KDM3A: variants seen among roughly 807,000 people sequenced by gnomAD.
The protein encoded by KDM3A is lysine-specific demethylase 3A.
KDM3A carries 60 observed loss-of-function variants against 158.0 expected under a neutral mutation model. The ratio of observed to expected loss-of-function variants is 0.38; its 90% CI spans 0.31 to 0.47. KDM3A has a LOEUF of 0.47. Ranked by LOEUF, KDM3A falls within the 20% of genes least tolerant of loss-of-function variation. The pLI is 0.99. For missense variants in KDM3A, 1,319 were observed against 1,574.3 expected (o/e 0.84, Z 2.74); for synonymous variants, 608 against 549.3 (o/e 1.11, Z -1.49).
chr2:86,456,061 G>A (rs1672683461), intron 5 of KDM3A, among the ~76,000 whole-genome samples: 3 of 151,922 alleles, frequency 2.0e-5, no homozygotes, highest in African/African-American at 7.3e-5. Flanking sequence ...AAATGGATAA[G>A]GCATTAATTT....
intron 17 of KDM3A, 141 bp from the exon 18 acceptor site, chr2:86,482,317 G>T (rs1356087758): frequency 1.5e-6 from 2 of 1,363,100 alleles, no homozygotes; most frequent in Admixed American, 4.9e-5. Context: ...GTTGTCAAGT[G>T]GGGACAGGGG....
rs1673852740 is a variant in KDM3A, at chr2:86,480,187, A to C, written c.2337A>C (p.Lys779Asn). The change falls in exon 16 of 26, where the codon AAA becomes AAC. Residue 779 changes from lysine (K) to asparagine (N), a missense_variant. Lys to Asn is a moderately conservative substitution (Grantham distance 94). Around this residue, in one of 4 missense-constraint regions of KDM3A, gnomAD observed 368 missense variants for 415.8 expected, o/e 0.89. Transcript: ENST00000312912. ...DLKQTSLAGEKPTLGAVLQQN... is the reference protein window; with the variant it reads ...DLKQTSLAGENPTLGAVLQQN... The stretch of plus-strand genomic sequence containing the variant: ...CACAGACTTCTTTAGCTGGAGAAAA[A>C]CCGACTCTTGGTGCAGTGCTCCAGC... The C allele has an allele frequency of 6.2e-7, 1 of 1,612,684 alleles. No homozygotes were observed. Among genetic ancestry groups the C allele is most frequent in the African/African-American group, 1.3e-5 (1 of 74,866 alleles).
chr2:86,442,697 A>C (rs1682785854), intron 2 of KDM3A: 1 of 155,416 alleles, frequency 6.4e-6, no homozygotes, highest in Admixed American at 6.3e-5. Flanking sequence ...AAATGAAGTG[A>C]GTGTAGAGGG....
intron 2 of KDM3A, among the ~76,000 whole-genome samples, chr2:86,446,105 A>C (rs1682948377): frequency 6.6e-6 from 1 of 152,202 alleles, no homozygotes; most frequent in Non-Finnish European, 1.5e-5. Flanking sequence ...TTCATATATC[A>C]GAAAGATTTT....
In KDM3A at chr2:86,483,909, G is replaced by A. The variant is rs1674058357; in HGVS notation, c.2923-78G>A. 14 of 1,138,222 alleles carry A rather than the reference G, an allele frequency of 1.2e-5. No homozygotes were observed. The South Asian group carries it at 1.9e-4, about 16-fold the overall frequency. 70.5% of individuals were successfully genotyped at this position (1,138,222 alleles called of 1,614,324 possible). A position where few individuals can be genotyped will look rare whatever the true frequency, so the allele number is the denominator to read the frequency against. On this transcript the variant is annotated intron_variant, in intron 18 of 25. Coordinates refer to ENST00000312912, the MANE Select transcript of KDM3A (RefSeq NM_018433.6). ...GCTCCATGGAAATATACCAATAGCAGTGTGAAGAGGGACTGCCTTCGGGAG... is the reference window on the plus strand; with the variant it reads ...GCTCCATGGAAATATACCAATAGCAATGTGAAGAGGGACTGCCTTCGGGAG...
In KDM3A at chr2:86,489,440, A is replaced by G. The variant is rs779552929; in HGVS notation, c.3433+3A>G. Reference sequence around the variant, plus strand: ...AGGACAGTGTGAGCAAGAAGAAGGTAGGGTGCTGAGCATAAAAGGAGGGCT... The same window carrying G: ...AGGACAGTGTGAGCAAGAAGAAGGTGGGGTGCTGAGCATAAAAGGAGGGCT... On this transcript the variant is annotated splice_donor_region_variant and intron_variant, in intron 22 of 25. Transcript: ENST00000312912. 6.2e-7 allele frequency: 1 copy of G among 1,613,836 alleles called. No individual in the cohort carries two copies. Among genetic ancestry groups the G allele is most frequent in the Admixed American group, 1.7e-5 (1 of 59,970 alleles).
Position 86,442,121 on chromosome 2 carries a change from G to A in KDM3A, c.74G>A (p.Gly25Asp). 1 of 1,614,050 alleles carries A rather than the reference G, an allele frequency of 6.2e-7. No individual in the cohort carries two copies. The highest frequency in any genetic ancestry group is 1.3e-5 in the African/African-American group (1 of 75,048). Residue 25 changes from glycine (G) to aspartate (D), a missense_variant, in exon 2 of 26, where the codon GGC (glycine) becomes GAC (aspartate). Gly to Asp is a moderately conservative substitution (Grantham distance 94). This residue lies in a region of KDM3A where 652 missense variants were observed against 627.2 expected (regional missense o/e 1.04). Coordinates refer to ENST00000312912, the MANE Select transcript of KDM3A (RefSeq NM_018433.6). ...TTTCTCAGTCTGTCCGCAGCCGACGGCAGCGATGGCAGCCACGACAGCTGG... is the reference window on the plus strand; with the variant it reads ...TTTCTCAGTCTGTCCGCAGCCGACGACAGCGATGGCAGCCACGACAGCTGG... ...RRFLSLSAAD[G>D]SDGSHDSWDV...
chr2:86,464,030 T>C, intron 8 of KDM3A, 23 bp from the exon 9 acceptor site: 4 of 1,480,174 alleles, frequency 2.7e-6, no homozygotes, highest in Non-Finnish European at 3.6e-6. Context: ...CCTTTTAATA[T>C]CTGTTGGTTT....
At chr2:86,468,188 A>C (rs557598500) in intron 10 of KDM3A, among the ~76,000 whole-genome samples, 3 of 152,242 alleles carry the variant, frequency 2.0e-5, no homozygotes, top group Non-Finnish European at 4.4e-5. Context: ...CATTGGAAGA[A>C]TAGAAAGAAC....
chr2:86,490,413 G>C (rs1221113976), intron 23 of KDM3A: 2 of 153,096 alleles, frequency 1.3e-5, no homozygotes, highest in Non-Finnish European at 2.9e-5. Flanking sequence ...AAACCGGCTT[G>C]GTCACCATAT....
At chr2:86,471,263 A>G (rs543580739) in intron 11 of KDM3A, among the ~76,000 whole-genome samples, 5 of 150,214 alleles carry the variant, frequency 3.3e-5, no homozygotes, top group East Asian at 3.9e-4. Flanking sequence ...GTGTGTATAT[A>G]TATGTGTATA....
Position 86,456,874 on chromosome 2 carries a change from T to C in KDM3A, c.751T>C (p.Cys251Arg). The C allele has an allele frequency of 3.1e-6, 5 of 1,608,062 alleles. No homozygotes were observed. Among genetic ancestry groups the C allele is most frequent in the Non-Finnish European group, 4.3e-6 (5 of 1,174,938 alleles). The part of the protein sequence containing the change: ...VEVVHDNLVT[C>R]GNSARIGAVK... ...AGTTGTACACGATAACCTTGTGACA[T>C]GTGGTAAGATATGTTATTAAAATCT... is the stretch of plus-strand genomic sequence containing the variant. Residue 251 changes from cysteine (C) to arginine (R), a missense_variant, in exon 7 of 26, where the codon TGT (cysteine) becomes CGT (arginine). Physicochemically the swap from Cys to Arg is radical, Grantham distance 180. Transcript: ENST00000312912.
At chr2:86,438,155 T>C (rs1558595687), upstream of KDM3A, among the ~76,000 whole-genome samples, 1 of 152,146 alleles carries the variant, frequency 6.6e-6, no homozygotes, top group Non-Finnish European at 1.5e-5. Context: ...CTTTTCTTGA[T>C]AGTTTGCTAA....
chr2:86,439,077 A>G (rs1401873645), upstream of KDM3A, among the ~76,000 whole-genome samples: 1 of 151,986 alleles, frequency 6.6e-6, no homozygotes, highest in African/African-American at 2.4e-5. Context: ...CTAGGTTTTT[A>G]GAAAGTTTAA....
upstream of KDM3A, among the ~76,000 whole-genome samples, chr2:86,437,468 A>T (rs529114186): frequency 3.9e-5 from 6 of 152,328 alleles, no homozygotes; most frequent in Admixed American, 3.9e-4. Context: ...TGGATAATCA[A>T]TAGACCTCAA....
At chr2:86,450,449 G>T (rs1214609190) in intron 3 of KDM3A, among the ~76,000 whole-genome samples, 1 of 152,154 alleles carries the variant, frequency 6.6e-6, no homozygotes. Context: ...GATCTTTAAG[G>T]TTCCCTCTGG....
chr2:86,482,382 T>A, intron 17 of KDM3A, 76 bp from the exon 18 acceptor site: 1 of 1,566,772 alleles, frequency 6.4e-7, no homozygotes, highest in African/African-American at 1.4e-5. Context: ...ATGTAATCTA[T>A]ACTCATTATG....
chr2:86,456,961 A>C, intron 7 of KDM3A, 22 bp from the exon 8 acceptor site: 1 of 1,581,240 alleles, frequency 6.3e-7, no homozygotes, highest in Middle Eastern at 1.7e-4. Context: ...AAGCCAACTT[A>C]ACCTATTTTT....
At position 86,474,781 on chromosome 2, in the gene KDM3A, A is replaced by G; in HGVS notation, c.1730A>G (p.Gln577Arg). 1 of 1,595,114 alleles carries G rather than the reference A, an allele frequency of 6.3e-7. No homozygotes were observed. The highest frequency in any genetic ancestry group is 1.1e-5 in the South Asian group (1 of 90,764). Residue 577 changes from glutamine (Q) to arginine (R), a missense_variant, in exon 12 of 26, where the codon CAA becomes CGA. Coordinates refer to ENST00000312912, the MANE Select transcript of KDM3A (RefSeq NM_018433.6). ...FCRFFHFRRL[Q>R]FNKHGVLRVE... ...TTTTCCCCTGCTTCCCCTAGGTTAC[A>G]ATTCAACAAACATGGTGTGTTGCGG...
Sources: allele counts gnomAD v4.1 joint callset (sites outside exome capture counted in the v4.1 genomes callset), GRCh38; gene constraint gnomAD v4.1.1; regional missense constraint gnomAD v4.1.1; transcripts MANE v1.5; gene names NCBI Gene and HGNC (gene_info 2026-07-23, HGNC 2026-07-21).